TMPRSS11D: variants seen among roughly 807,000 people sequenced by gnomAD.
TMPRSS11D encodes transmembrane protease serine 11D.
Under a neutral mutation model 44.4 loss-of-function variants are expected in TMPRSS11D, and 32 were observed. That is an observed-to-expected ratio of 0.72 (90% CI 0.54 to 0.97). The LOEUF is 0.97. Ranked by LOEUF, TMPRSS11D falls within the 50% of genes least tolerant of loss-of-function variation. The pLI is 0.00. For missense variants in TMPRSS11D, 446 were observed against 502.6 expected (o/e 0.89, Z 1.08); for synonymous variants, 179 against 177.9 (o/e 1.01, Z -0.05).
At chr4:67,861,484 T>G (rs1718789836) in intron 1 of TMPRSS11D, among the ~76,000 whole-genome samples, 2 of 152,124 alleles carry the variant, frequency 1.3e-5, no homozygotes, top group African/African-American at 4.8e-5. Context: ...AAATCTCAAA[T>G]TGTTCCTTTC....
chr4:67,847,430 G>C (rs1372067286), intron 3 of TMPRSS11D, among the ~76,000 whole-genome samples: 1 of 152,154 alleles, frequency 6.6e-6, no homozygotes, highest in Non-Finnish European at 1.5e-5. Flanking sequence ...TTTAAAATTT[G>C]TTTTTGTTTT....
chr4:67,840,645 C>G (rs1392966860), intron 4 of TMPRSS11D, among the ~76,000 whole-genome samples: 2 of 152,088 alleles, frequency 1.3e-5, no homozygotes, highest in African/African-American at 4.8e-5. Flanking sequence ...TTTAATTGTA[C>G]ATTTAAAAAT....
Position 67,875,947 on chromosome 4 carries a change from G to A in TMPRSS11D, c.8+7979C>T, listed in dbSNP as rs556867349. 2.0e-5 allele frequency among the ~76,000 whole-genome samples: 3 copies of A among 152,276 alleles called. No homozygotes were observed. In the South Asian group the frequency reaches 6.2e-4, roughly 32 times the overall value. On this transcript the variant is annotated intron_variant, in intron 1 of 9. Transcript: ENST00000283916. ...TAAAAGGATAGGTTAGATGATGGAA[G>A]GTAGGCTCTGTCTACCTTGTGAATC...
rs758641400 is a variant in TMPRSS11D, at chr4:67,825,753, T to C, written c.1074A>G (p.Gln358=). 2 of 1,613,048 alleles carry C rather than the reference T, an allele frequency of 1.2e-6. No homozygotes were observed. Among genetic ancestry groups the C allele is most frequent in the Non-Finnish European group, 1.7e-6 (2 of 1,179,398 alleles). The change falls in exon 9 of 10, where the codon CAA becomes CAG. Residue 358 remains glutamine (Q), a synonymous_variant. Coordinates refer to ENST00000283916, the MANE Select transcript of TMPRSS11D (RefSeq NM_004262.3). ...LSGMLCAGVP[Q]GGVDACQGDS... ...TTACCTGACATGCGTCCACTCCACC[T>C]TGAGGTACTCCAGCACACAGCATTC...
chr4:67,850,172 G>A (rs911587253), intron 3 of TMPRSS11D, among the ~76,000 whole-genome samples: 2 of 152,114 alleles, frequency 1.3e-5, no homozygotes, highest in African/African-American at 4.8e-5. Context: ...AAAAGACAAA[G>A]AAGGATTTAG....
intron 1 of TMPRSS11D, among the ~76,000 whole-genome samples, chr4:67,874,623 T>C (rs1416409121): frequency 6.6e-6 from 1 of 151,926 alleles, no homozygotes; most frequent in African/African-American, 2.4e-5. Context: ...AATGATGGAG[T>C]AGAATAAATA....
chr4:67,836,731 G>A (rs1718099443), intron 5 of TMPRSS11D, among the ~76,000 whole-genome samples: 1 of 152,124 alleles, frequency 6.6e-6, no homozygotes, highest in South Asian at 2.1e-4. Flanking sequence ...CTAAAAAACA[G>A]TAAGTTCTCA....
chr4:67,825,917 G>A (rs772984018), intron 8 of TMPRSS11D, 43 bp from the exon 9 acceptor site: 3 of 1,566,496 alleles, frequency 1.9e-6, no homozygotes, highest in Non-Finnish European at 1.7e-6. Flanking sequence ...TTCAAGATGT[G>A]TACATTATTG....
chr4:67,838,384 C>G, intron 4 of TMPRSS11D, 55 bp from the exon 5 acceptor site: 1 of 1,435,562 alleles, frequency 7.0e-7, no homozygotes, highest in Non-Finnish European at 9.2e-7. Context: ...TTTTCACCAT[C>G]CTGTTTATAT....
chr4:67,846,903 A>C (rs1048901558), intron 3 of TMPRSS11D, among the ~76,000 whole-genome samples: 1 of 75,348 alleles, frequency 1.3e-5, no homozygotes, highest in South Asian at 7.4e-4. Flanking sequence ...ATTTTATCTA[A>C]AAAGTGATTT....
Position 67,859,599 on chromosome 4 carries a change from G to T in TMPRSS11D, c.88C>A (p.Leu30Met), listed in dbSNP as rs781036534. ...ACAAGTAGAGCTATGGTGACTGCCA[G>T]GATCACTACCCCTGCGACGACAATG... The part of the protein sequence containing the change: ...CFIVVAGVVI[L>M]AVTIALLVYF... The change falls in exon 2 of 10, where the codon CTG (leucine) becomes ATG (methionine). Residue 30 changes from leucine (L) to methionine (M), a missense_variant. Coordinates refer to ENST00000283916, the MANE Select transcript of TMPRSS11D (RefSeq NM_004262.3). 4 of 1,613,296 alleles carry T rather than the reference G, an allele frequency of 2.5e-6. No homozygotes were observed. The South Asian group carries it at 4.4e-5, about 18-fold the overall frequency.
chr4:67,826,396 TTGTA>T (rs905695458), intron 8 of TMPRSS11D, among the ~76,000 whole-genome samples: 3 of 152,242 alleles, frequency 2.0e-5, no homozygotes, highest in Non-Finnish European at 4.4e-5. Context: ...TATTAAGGCT[TTGTA>T]TTATTCCTTG....
chr4:67,858,901 A>G (rs1718723970), intron 2 of TMPRSS11D, among the ~76,000 whole-genome samples: 1 of 152,124 alleles, frequency 6.6e-6, no homozygotes, highest in Non-Finnish European at 1.5e-5. Context: ...TATTCTTTAC[A>G]TTATTTTTTC....
intron 2 of TMPRSS11D, 61 bp downstream of exon 2, chr4:67,859,487 ATGCCAGACT>A: frequency 6.5e-7 from 1 of 1,529,932 alleles, no homozygotes; most frequent in Admixed American, 1.9e-5. Context: ...AAAAGAAAGA[ATGCCAGACT>A]TTAAATCTGA....
intron 6 of TMPRSS11D, 122 bp downstream of exon 6, chr4:67,834,961 C>T (rs1018326855): frequency 8.3e-6 from 7 of 846,774 alleles, no homozygotes; most frequent in Middle Eastern, 2.7e-4. Flanking sequence ...ACCACCTGAG[C>T]GAACTAAGAA....
At chr4:67,861,740 G>C (rs573775477) in intron 1 of TMPRSS11D, among the ~76,000 whole-genome samples, 2 of 152,180 alleles carry the variant, frequency 1.3e-5, no homozygotes, top group South Asian at 4.1e-4. Context: ...AAAGCACCAT[G>C]AGACATATGA....
chr4:67,838,642 T>A (rs1718160877), intron 4 of TMPRSS11D, among the ~76,000 whole-genome samples: 1 of 152,092 alleles, frequency 6.6e-6, no homozygotes, highest in Admixed American at 6.6e-5. Flanking sequence ...TTTCTTCACA[T>A]GTAAAATGGG....
intron 3 of TMPRSS11D, among the ~76,000 whole-genome samples, chr4:67,851,110 A>G (rs1323505952): frequency 1.3e-5 from 2 of 152,162 alleles, no homozygotes; most frequent in Non-Finnish European, 2.9e-5. Context: ...CCGAAGCGGG[A>G]GCTGGTGCTG....
intron 1 of TMPRSS11D, among the ~76,000 whole-genome samples, chr4:67,868,829 G>T (rs1022154447): frequency 1.3e-5 from 2 of 152,132 alleles, no homozygotes; most frequent in African/African-American, 4.8e-5. Context: ...TGAGGCAGGA[G>T]GTCTCATTGT....
Sources: gnomAD v4.1 joint callset for allele counts (sites outside exome capture counted in the v4.1 genomes callset) on GRCh38, gnomAD v4.1.1 for gene constraint, MANE v1.5 for transcripts, NCBI Gene and HGNC (gene_info 2026-07-23, HGNC 2026-07-21) for gene names.